The following ADGRL3 variants were observed in gnomAD, a reference collection of about 807,000 sequenced individuals.
ADGRL3 encodes the protein adhesion G protein-coupled receptor L3.
In ADGRL3, 62 loss-of-function variants were observed where a neutral mutation model predicts 153.5. That is an observed-to-expected ratio of 0.40 (90% CI 0.33 to 0.50). ADGRL3 has a LOEUF of 0.50. Among genes scored for constraint, ADGRL3 ranks in the 20% least tolerant of loss-of-function variants. ADGRL3 has a pLI of 0.47. For synonymous variants in ADGRL3, 710 were observed against 672.5 expected (o/e 1.06, Z -0.86); for missense variants, 1,641 against 1,859.4 (o/e 0.88, Z 2.16).
intron 8 of ADGRL3, among the ~76,000 whole-genome samples, chr4:61,811,039 C>T (rs1236211989): frequency 2.6e-5 from 4 of 152,040 alleles, no homozygotes; most frequent in Non-Finnish European, 5.9e-5. Flanking sequence ...ATCCTGTTAT[C>T]GAAAAGTAAG....
Position 61,478,536 on chromosome 4 carries a change from A to G in ADGRL3, c.-173-18585A>G, listed in dbSNP as rs192267802. 1.7e-4 allele frequency among the ~76,000 whole-genome samples: 26 copies of G among 152,198 alleles called. 1 individual carries two copies. The highest frequency in any genetic ancestry group is 1.6e-3 in the Admixed American group (24 of 15,298). ...AGATTAACTGTTTTAATCACTGGGAACACTGATATTCTCCAGATGGCCAAT... is the reference window on the plus strand; with the variant it reads ...AGATTAACTGTTTTAATCACTGGGAGCACTGATATTCTCCAGATGGCCAAT... On this transcript the variant is annotated intron_variant, in intron 2 of 26. Coordinates refer to ENST00000683033, the MANE Select transcript of ADGRL3 (RefSeq NM_001387552.1).
intron 25 of ADGRL3, among the ~76,000 whole-genome samples, chr4:62,052,595 G>A (rs1213796939): frequency 1.3e-5 from 2 of 151,400 alleles, no homozygotes; most frequent in African/African-American, 4.8e-5. Flanking sequence ...GGCTTAGATT[G>A]TAAGAAGAAT....
At chr4:61,845,505 C>T (rs1315010930) in intron 9 of ADGRL3, among the ~76,000 whole-genome samples, 1 of 151,544 alleles carries the variant, frequency 6.6e-6, no homozygotes, top group Non-Finnish European at 1.5e-5. Context: ...TGCATGCCAC[C>T]ATGCTTACCT....
At chr4:61,966,749 A>G (rs1265448848) in intron 17 of ADGRL3, among the ~76,000 whole-genome samples, 3 of 152,136 alleles carry the variant, frequency 2.0e-5, no homozygotes, top group Non-Finnish European at 2.9e-5. Flanking sequence ...ATTTTTACCC[A>G]TGAAAGCATT....
intron 6 of ADGRL3, among the ~76,000 whole-genome samples, chr4:61,693,074 G>C (rs971632781): frequency 1.3e-5 from 2 of 151,942 alleles, no homozygotes; most frequent in Non-Finnish European, 2.9e-5. Flanking sequence ...AAATTTATGA[G>C]TAAAACAACT....
At chr4:61,443,110 G>C (rs2097544534) in intron 2 of ADGRL3, among the ~76,000 whole-genome samples, 1 of 152,260 alleles carries the variant, frequency 6.6e-6, no homozygotes, top group East Asian at 1.9e-4. Flanking sequence ...GCCAAATTCA[G>C]TGAGTTTTAT....
chr4:61,280,171 G>A (rs1209155182), intron 1 of ADGRL3, among the ~76,000 whole-genome samples: 1 of 145,826 alleles, frequency 6.9e-6, no homozygotes, highest in Non-Finnish European at 1.5e-5. Context: ...ATGCAGTGGC[G>A]TGATCTCAGC....
At chr4:61,231,122 G>A (rs151234192) in intron 1 of ADGRL3, among the ~76,000 whole-genome samples, 243 of 152,292 alleles carry the variant, frequency 1.6e-3, no homozygotes, top group African/African-American at 5.4e-3. Context: ...GATCAACAAT[G>A]AAGATCAGTA....
chr4:61,448,383 T>C (rs1240974274), intron 2 of ADGRL3, among the ~76,000 whole-genome samples: 3 of 152,156 alleles, frequency 2.0e-5, no homozygotes, highest in African/African-American at 7.2e-5. Context: ...AGCCCAGTGG[T>C]TAAGAATGAG....
intron 4 of ADGRL3, among the ~76,000 whole-genome samples, chr4:61,561,167 A>G (rs1039327194): frequency 3.3e-5 from 5 of 152,146 alleles, no homozygotes; most frequent in Admixed American, 2.0e-4. Flanking sequence ...TTAGGATGCA[A>G]TGCTTCATGT....
At chr4:61,439,278 T>TTTA (rs1173183643) in intron 2 of ADGRL3, among the ~76,000 whole-genome samples, 1 of 152,100 alleles carries the variant, frequency 6.6e-6, no homozygotes, top group African/African-American at 2.4e-5. Context: ...TACTTAGAAA[T>TTTA]TTTTATAAGA....
intron 3 of ADGRL3, among the ~76,000 whole-genome samples, chr4:61,510,653 T>C (rs1462116369): frequency 6.6e-6 from 1 of 152,206 alleles, no homozygotes; most frequent in Non-Finnish European, 1.5e-5. Context: ...ACTGTTTTGG[T>C]CATTGTAGCC....
At chr4:61,528,692 G>T (rs541435730) in intron 4 of ADGRL3, among the ~76,000 whole-genome samples, 3 of 152,222 alleles carry the variant, frequency 2.0e-5, no homozygotes, top group South Asian at 2.1e-4. Context: ...GCAGATGGGG[G>T]TAGGTTTACA....
At chr4:61,258,038 C>T (rs1258923912) in intron 1 of ADGRL3, among the ~76,000 whole-genome samples, 1 of 152,142 alleles carries the variant, frequency 6.6e-6, no homozygotes, top group African/African-American at 2.4e-5. Context: ...CTACCAGCCC[C>T]CATCTTCCTC....
chr4:61,754,423 A>G (rs2096795085), intron 8 of ADGRL3, among the ~76,000 whole-genome samples: 1 of 152,016 alleles, frequency 6.6e-6, no homozygotes. Flanking sequence ...GAAAAAGAGA[A>G]GAAGTTTTCT....
intron 9 of ADGRL3, among the ~76,000 whole-genome samples, chr4:61,819,978 C>G (rs1285768128): frequency 6.6e-6 from 1 of 152,016 alleles, no homozygotes; most frequent in East Asian, 1.9e-4. Flanking sequence ...ATCCATGGGT[C>G]ACCATTCTAC....
intron 2 of ADGRL3, among the ~76,000 whole-genome samples, chr4:61,387,803 C>T (rs1158461754): frequency 6.6e-6 from 1 of 152,042 alleles, no homozygotes; most frequent in African/African-American, 2.4e-5. Flanking sequence ...CAATATACAT[C>T]CTCCTCAGCT....
intron 1 of ADGRL3, among the ~76,000 whole-genome samples, chr4:61,300,469 G>A (rs1490277920): frequency 6.6e-6 from 1 of 152,170 alleles, no homozygotes; most frequent in Non-Finnish European, 1.5e-5. Context: ...GCTCTGCCTT[G>A]GATAAGGGGT....
At chr4:61,393,525 AT>A (rs958433850) in intron 2 of ADGRL3, among the ~76,000 whole-genome samples, 3 of 151,854 alleles carry the variant, frequency 2.0e-5, no homozygotes, top group Admixed American at 2.0e-4. Flanking sequence ...ACATTTTTCA[AT>A]TTTTTTCAGA....
Sources: allele counts gnomAD v4.1 joint callset (sites outside exome capture counted in the v4.1 genomes callset), GRCh38; gene constraint gnomAD v4.1.1; transcripts MANE v1.5; gene names NCBI Gene and HGNC (gene_info 2026-07-23, HGNC 2026-07-21).